Variants in NHS observed in about 807,000 individuals in gnomAD.
NHS encodes NHS actin remodeling regulator.
Under a neutral mutation model 72.5 loss-of-function variants are expected in NHS, and 5 were observed. That is an observed-to-expected ratio of 0.07 (90% CI 0.04 to 0.14). The LOEUF (loss-of-function observed/expected upper bound fraction) is 0.14. NHS is among the 10% of genes least tolerant of loss of function. NHS has a pLI of 1.00. For missense variants in NHS, 1,072 were observed against 1,355.7 expected (o/e 0.79, Z 3.29); for synonymous variants, 464 against 547.7 (o/e 0.85, Z 2.13).
intron 1 of NHS, among the ~76,000 whole-genome samples, chrX:17,482,117 A>G (rs1355176979): frequency 8.9e-6 from 1 of 111,733 alleles, no homozygotes; most frequent in African/African-American, 3.3e-5. Flanking sequence ...GGATACTAAT[A>G]ATATTTAGCT....
At chrX:17,696,632 T>C (rs1464321544) in intron 3 of NHS, among the ~76,000 whole-genome samples, 1 of 111,975 alleles carries the variant, frequency 8.9e-6, no homozygotes, top group East Asian at 2.8e-4. Flanking sequence ...GACTTAGACT[T>C]ACAGTGCTGA....
chrX:17,628,448 GC>G (rs1272611643), intron 1 of NHS, among the ~76,000 whole-genome samples: 3 of 112,742 alleles, frequency 2.7e-5, no homozygotes, highest in Non-Finnish European at 5.6e-5. Context: ...GGCATATGTA[GC>G]CTCTCATGCA....
At chrX:17,418,932 C>T (rs2064609754) in intron 1 of NHS, among the ~76,000 whole-genome samples, 1 of 112,208 alleles carries the variant, frequency 8.9e-6, no homozygotes, top group South Asian at 3.7e-4. Context: ...GACTGATAAA[C>T]GTTAAGTTTC....
chrX:17,478,557 C>T (rs1348942921), intron 1 of NHS, among the ~76,000 whole-genome samples: 2 of 111,702 alleles, frequency 1.8e-5, no homozygotes, highest in Non-Finnish European at 3.8e-5. Context: ...AGGTCTGTGC[C>T]TGTTTCTTTG....
At chrX:17,437,357 G>T (rs749541767) in intron 1 of NHS, among the ~76,000 whole-genome samples, 4 of 111,726 alleles carry the variant, frequency 3.6e-5, no homozygotes, top group Non-Finnish European at 5.6e-5. Flanking sequence ...AGAATTAGAC[G>T]CCTCACACTA....
intron 1 of NHS, among the ~76,000 whole-genome samples, chrX:17,541,435 G>A: frequency 8.9e-6 from 1 of 112,118 alleles, no homozygotes; most frequent in East Asian, 2.8e-4. Context: ...TGATTGTGAA[G>A]GTGAACAGCT....
intron 1 of NHS, among the ~76,000 whole-genome samples, chrX:17,673,177 A>AACAC (rs56271300): frequency 0.022 from 1,462 of 65,488 alleles, 29 homozygotes; most frequent in South Asian, 0.033. Context: ...TGGAAGATGA[A>AACAC]ACACACACAC....
At chrX:17,488,839 C>T (rs1413859119) in intron 1 of NHS, among the ~76,000 whole-genome samples, 4 of 110,452 alleles carry the variant, frequency 3.6e-5, no homozygotes, top group Admixed American at 9.8e-5. Flanking sequence ...ATGTGTAGAA[C>T]GTGCAGTTTT....
intron 1 of NHS, among the ~76,000 whole-genome samples, chrX:17,425,568 A>AAAAAAAAAAAG (rs2064651928): frequency 5.2e-5 from 4 of 77,057 alleles, no homozygotes; most frequent in African/African-American, 1.3e-4. Context: ...AAAAAAAAAA[A>AAAAAAAAAAAG]AAAGAAAGAA....
At chrX:17,614,007 G>C (rs752541926) in intron 1 of NHS, among the ~76,000 whole-genome samples, 1 of 112,515 alleles carries the variant, frequency 8.9e-6, no homozygotes, top group Non-Finnish European at 1.9e-5. Flanking sequence ...CTGGGGGTAG[G>C]TATAGGGGCA....
At chrX:17,659,435 A>C (rs1016861739) in intron 1 of NHS, among the ~76,000 whole-genome samples, 1 of 112,225 alleles carries the variant, frequency 8.9e-6, no homozygotes, top group Non-Finnish European at 1.9e-5. Flanking sequence ...CATCTGGTCC[A>C]ACCTCTGTAG....
chrX:17,432,444 A>G lies in NHS; in HGVS notation c.565+56122A>G, dbSNP rs114909673. ...TCAATAAATATTTGTTGAATGAACA[A>G]TGAATGAATATTTGTTGAATGAATG... On this transcript the variant is annotated intron_variant, in intron 1 of 8. Transcript: ENST00000676302. Among the ~76,000 whole-genome samples the G allele has an allele frequency of 9.0e-3, 1,017 of 112,902 alleles. 14 individuals are homozygous for G. Among genetic ancestry groups the G allele is most frequent in the African/African-American group, 0.031 (976 of 31,092 alleles).
At chrX:17,729,268 C>T (rs1330382608) in intron 8 of NHS, among the ~76,000 whole-genome samples, 3 of 111,733 alleles carry the variant, frequency 2.7e-5, no homozygotes, top group African/African-American at 9.8e-5. Flanking sequence ...CAAATACCAC[C>T]TCTTCCCCCA....
chrX:17,712,633 C>T (rs2066341618), intron 3 of NHS, among the ~76,000 whole-genome samples: 1 of 109,315 alleles, frequency 9.1e-6, no homozygotes, highest in Non-Finnish European at 1.9e-5. Flanking sequence ...TCTCCACAAC[C>T]ATTACCCAGA....
At chrX:17,654,059 G>C (rs2065942030) in intron 1 of NHS, among the ~76,000 whole-genome samples, 1 of 40,453 alleles carries the variant, frequency 2.5e-5, no homozygotes, top group South Asian at 2.3e-3. Context: ...AAGCCTTAGG[G>C]GTCCAGGTCT....
chrX:17,655,070 C>T (rs954898299), intron 1 of NHS, among the ~76,000 whole-genome samples: 6 of 111,935 alleles, frequency 5.4e-5, no homozygotes, highest in African/African-American at 2.0e-4. Flanking sequence ...TTTCAGCATC[C>T]GGAGATGAAT....
At chrX:17,645,901 C>T (rs1240086421) in intron 1 of NHS, among the ~76,000 whole-genome samples, 1 of 111,964 alleles carries the variant, frequency 8.9e-6, no homozygotes, top group Admixed American at 9.5e-5. Flanking sequence ...GCAGAAACTT[C>T]CTGTTGCTTT....
intron 1 of NHS, among the ~76,000 whole-genome samples, chrX:17,384,576 G>A (rs2064395918): frequency 1.8e-5 from 2 of 112,104 alleles, no homozygotes; most frequent in Admixed American, 1.9e-4. Context: ...TTCTTCCTGT[G>A]TGTGGAGGCC....
chrX:17,499,151 G>A (rs1050470901), intron 1 of NHS, among the ~76,000 whole-genome samples: 7 of 111,595 alleles, frequency 6.3e-5, no homozygotes, highest in African/African-American at 2.3e-4. Context: ...TGGTGGCAGT[G>A]GACCTCTCTG....
Sources: gnomAD v4.1 joint callset for allele counts (sites outside exome capture counted in the v4.1 genomes callset) on GRCh38, gnomAD v4.1.1 for gene constraint, MANE v1.5 for transcripts, NCBI Gene and HGNC (gene_info 2026-07-23, HGNC 2026-07-21) for gene names.